CSMD2: variants seen among roughly 807,000 people sequenced by gnomAD.
CSMD2 encodes the protein CUB and sushi domain-containing protein 2.
In CSMD2, 130 loss-of-function variants were observed where a neutral mutation model predicts 398.5. That is an observed-to-expected ratio of 0.33 (90% CI 0.28 to 0.38). The LOEUF (loss-of-function observed/expected upper bound fraction) is 0.38. Among genes scored for constraint, CSMD2 ranks in the 10% least tolerant of loss-of-function variants. CSMD2 has a pLI of 1.00. For synonymous variants in CSMD2, 1,828 were observed against 1,908.5 expected (o/e 0.96, Z 1.10); for missense variants, 3,829 against 4,764.9 (o/e 0.80, Z 5.78).
intron 5 of CSMD2, among the ~76,000 whole-genome samples, chr1:33,906,981 G>T (rs1643127545): frequency 6.6e-6 from 1 of 152,012 alleles, no homozygotes; most frequent in African/African-American, 2.4e-5. Context: ...CCCCAGAGGA[G>T]AAAATGACTG....
At chr1:34,076,561 G>T (rs1007367290) in intron 2 of CSMD2, among the ~76,000 whole-genome samples, 1 of 152,022 alleles carries the variant, frequency 6.6e-6, no homozygotes, top group Non-Finnish European at 1.5e-5. Context: ...GTCCCCTGGG[G>T]GACAAAACTG....
intron 1 of CSMD2, among the ~76,000 whole-genome samples, chr1:34,157,895 T>G (rs1195063759): frequency 6.6e-6 from 1 of 152,136 alleles, no homozygotes; most frequent in Non-Finnish European, 1.5e-5. Context: ...AGTTCACATT[T>G]GTGGATGTAT....
chr1:34,162,174 CA>C (rs35659871), intron 1 of CSMD2, among the ~76,000 whole-genome samples: 2,188 of 46,986 alleles, frequency 0.047, 25 homozygotes, highest in South Asian at 0.075. Context: ...AACTCCCTCT[CA>C]AAAAAAAAAA....
chr1:34,120,830 G>T (rs1662104529), intron 1 of CSMD2, among the ~76,000 whole-genome samples: 1 of 152,062 alleles, frequency 6.6e-6, no homozygotes, highest in Non-Finnish European at 1.5e-5. Flanking sequence ...CAGGCGTGAG[G>T]CACCACACCT....
chr1:33,716,548 A>T, intron 19 of CSMD2, 47 bp from the exon 20 acceptor site: 1 of 1,315,672 alleles, frequency 7.6e-7, no homozygotes, highest in Non-Finnish European at 1.0e-6. Flanking sequence ...AGATGGCTGG[A>T]GAACCTCAGC....
intron 1 of CSMD2, among the ~76,000 whole-genome samples, chr1:34,146,753 C>T (rs1639799060): frequency 1.3e-5 from 2 of 152,134 alleles, no homozygotes; most frequent in Admixed American, 6.5e-5. Context: ...ATGCATGAAG[C>T]AATTCATAGA....
At chr1:33,736,801 A>G (rs1008997863) in intron 15 of CSMD2, among the ~76,000 whole-genome samples, 1 of 152,246 alleles carries the variant, frequency 6.6e-6, no homozygotes, top group Non-Finnish European at 1.5e-5. Flanking sequence ...TAATAATGGT[A>G]AGAACCAGTA....
At chr1:34,105,106 A>T (rs934514527) in intron 1 of CSMD2, among the ~76,000 whole-genome samples, 1 of 152,248 alleles carries the variant, frequency 6.6e-6, no homozygotes, top group African/African-American at 2.4e-5. Context: ...CAATTATCAC[A>T]GATGTTTTTA....
chr1:33,638,426 T>G (rs1642927441), intron 29 of CSMD2, among the ~76,000 whole-genome samples: 1 of 152,238 alleles, frequency 6.6e-6, no homozygotes. Context: ...CAAAACTAGC[T>G]GTAGTCCCCA....
chr1:33,931,452 T>C lies in CSMD2; in HGVS notation c.712+4308A>G, dbSNP rs576760997. On this transcript the variant is annotated intron_variant, in intron 4 of 70. Coordinates refer to ENST00000373381, the MANE Select transcript of CSMD2 (RefSeq NM_001281956.2). ...GGATATTCTTGTAGCTTGTGGGGAT[T>C]ATAATAGAGATGAACCTGAAGGTAG... Among the ~76,000 whole-genome samples, 556 of 151,384 alleles carry C rather than the reference T, an allele frequency of 3.7e-3. 4 individuals carry two copies. Among genetic ancestry groups the C allele is most frequent in the Middle Eastern group, 0.021 (6 of 292 alleles).
intron 5 of CSMD2, chr1:33,864,482 A>G (rs1237802403): frequency 1.2e-6 from 2 of 1,614,012 alleles, no homozygotes; most frequent in Non-Finnish European, 1.7e-6. Context: ...GACGGCCTCC[A>G]TCATCCTTCC....
At chr1:33,933,636 G>A (rs1461185990) in intron 4 of CSMD2, among the ~76,000 whole-genome samples, 1 of 152,164 alleles carries the variant, frequency 6.6e-6, no homozygotes, top group Non-Finnish European at 1.5e-5. Context: ...GGTGGGTAAG[G>A]ATGCTATAAG....
chr1:33,748,965 T>C (rs1647786277), intron 13 of CSMD2, among the ~76,000 whole-genome samples: 1 of 151,996 alleles, frequency 6.6e-6, no homozygotes, highest in Non-Finnish European at 1.5e-5. Context: ...CTGTTCACAG[T>C]ACAAATAAAC....
chr1:33,992,199 C>T (rs1437987485), intron 3 of CSMD2, among the ~76,000 whole-genome samples: 1 of 152,096 alleles, frequency 6.6e-6, no homozygotes, highest in African/African-American at 2.4e-5. Flanking sequence ...GCAAAAATTC[C>T]ACTCCTCACT....
chr1:34,061,926 C>T (rs1369928455), intron 2 of CSMD2, among the ~76,000 whole-genome samples: 1 of 152,106 alleles, frequency 6.6e-6, no homozygotes, highest in African/African-American at 2.4e-5. Context: ...CTTCCTTTTC[C>T]AAATGAGGCA....
rs190255421 is a variant in CSMD2, at chr1:34,085,244, G to C, written c.404+3733C>G. On this transcript the variant is annotated intron_variant, in intron 2 of 70. Coordinates refer to ENST00000373381, the MANE Select transcript of CSMD2 (RefSeq NM_001281956.2). ...AGGGACTGTTGTGGGGTGGGGTTAG[G>C]GGGGAGGGATAGCATTGGGAGATAT... 6.2e-3 allele frequency among the ~76,000 whole-genome samples: 950 copies of C among 152,176 alleles called. 9 individuals carry two copies. Among genetic ancestry groups the C allele is most frequent in the East Asian group, 0.052 (271 of 5,168 alleles).
At chr1:33,660,376 G>T (rs1381402369) in intron 26 of CSMD2, among the ~76,000 whole-genome samples, 1 of 152,088 alleles carries the variant, frequency 6.6e-6, no homozygotes, top group Non-Finnish European at 1.5e-5. Context: ...AATTGGAGCT[G>T]CTTGGCAAAG....
At chr1:34,158,258 A>C (rs79109587) in intron 1 of CSMD2, among the ~76,000 whole-genome samples, 2 of 152,188 alleles carry the variant, frequency 1.3e-5, no homozygotes, top group East Asian at 3.9e-4. Flanking sequence ...TCTCAAAGCG[A>C]GTGAACCCTG....
At position 33,743,296 on chromosome 1, in the gene CSMD2, G is replaced by A; in HGVS notation, c.2157C>T (p.Phe719=). The A allele has an allele frequency of 1.9e-6, 3 of 1,604,748 alleles. No homozygotes were observed. Among genetic ancestry groups the A allele is most frequent in the Admixed American group, 3.4e-5 (2 of 59,530 alleles). ...AGGACTCACTGGTAAAAGTGATGTT[G>A]AAGCCCCTCTTCCCTGTGGAGTGGT... The part of the protein sequence containing the change: ...QTDHSTGKRG[F]NITFTTFRHN... The change falls in exon 14 of 71, where the codon TTC becomes TTT. Residue 719 remains phenylalanine (F), a synonymous_variant. Transcript: ENST00000373381.
Sources: gnomAD v4.1 joint callset for allele counts (sites outside exome capture counted in the v4.1 genomes callset) on GRCh38, gnomAD v4.1.1 for gene constraint, MANE v1.5 for transcripts, NCBI Gene and HGNC (gene_info 2026-07-23, HGNC 2026-07-21) for gene names.